The following ZDHHC7 variants were observed in gnomAD, a reference collection of about 807,000 sequenced individuals.
The protein encoded by ZDHHC7 is palmitoyltransferase ZDHHC7.
Under a neutral mutation model 34.1 loss-of-function variants are expected in ZDHHC7, and 12 were observed. The observed-to-expected ratio is 0.35, with a 90% CI of 0.23 to 0.57. ZDHHC7 has a LOEUF of 0.57. Ranked by LOEUF, ZDHHC7 falls within the 20% of genes least tolerant of loss-of-function variation. The pLI, the probability that ZDHHC7 is intolerant of heterozygous loss-of-function variation, is 0.84. For missense variants in ZDHHC7, 388 were observed against 402.7 expected (o/e 0.96, Z 0.31); for synonymous variants, 185 against 155.4 (o/e 1.19, Z -1.42).
intron 3 of ZDHHC7, among the ~76,000 whole-genome samples, chr16:84,985,188 T>C (rs2072420671): frequency 6.6e-6 from 1 of 152,226 alleles, no homozygotes; most frequent in Admixed American, 6.5e-5. Flanking sequence ...TGCTCCCTGA[T>C]TGGCTGTTCC....
the ZDHHC7 span, among the ~76,000 whole-genome samples, chr16:85,018,058 A>G: frequency 6.6e-6 from 1 of 152,116 alleles, no homozygotes; most frequent in Non-Finnish European, 1.5e-5. Flanking sequence ...TTGAGGTCCT[A>G]GGAGAAACCT....
chr16:84,977,083 A>C lies in ZDHHC7; in HGVS notation c.750+12T>G. The C allele has an allele frequency of 6.2e-7, 1 of 1,614,162 alleles. No homozygotes were observed. Among genetic ancestry groups the C allele is most frequent in the Non-Finnish European group, 8.5e-7 (1 of 1,180,008 alleles). The stretch of plus-strand genomic sequence containing the variant: ...CACATATGAAGTCCACACAGCCGAG[A>C]ACAAAGCTTACCGTCTCGTCGTTGC... On this transcript the variant is annotated intron_variant, in intron 7 of 7. Transcript: ENST00000313732.
intron 2 of ZDHHC7, among the ~76,000 whole-genome samples, chr16:84,995,667 G>C (rs2072567632): frequency 6.6e-6 from 1 of 152,054 alleles, no homozygotes; most frequent in Non-Finnish European, 1.5e-5. Flanking sequence ...TTCCATTTCA[G>C]GTGGAAAGCG....
At position 84,974,344 on chromosome 16, in the gene ZDHHC7, A is replaced by G. The variant is rs573251752; in HGVS notation, c.*1999T>C. On this transcript the variant is annotated 3_prime_UTR_variant, in exon 8 of 8. Transcript: ENST00000313732. ...TTGTCATGGGCACAAAAGCATTTAG[A>G]GTTTCTGGAAACTGTTTGGGAGTGA... 6.6e-6 allele frequency: 1 copy of G among 152,138 alleles called. No homozygotes were observed. Among genetic ancestry groups the G allele is most frequent in the Non-Finnish European group, 1.5e-5 (1 of 68,030 alleles). 9.4% of individuals were successfully genotyped at this position (152,138 alleles called of 1,614,324 possible). A position where few individuals can be genotyped will look rare whatever the true frequency, so the allele number is the denominator to read the frequency against.
chr16:84,986,199 A>G (rs2072434763), intron 3 of ZDHHC7, among the ~76,000 whole-genome samples: 1 of 152,202 alleles, frequency 6.6e-6, no homozygotes, highest in Admixed American at 6.5e-5. Context: ...GACAAGCTCA[A>G]GGTGGAGCGC....
intron 3 of ZDHHC7, among the ~76,000 whole-genome samples, chr16:84,984,840 G>T (rs1271562195): frequency 1.3e-5 from 2 of 152,090 alleles, no homozygotes; most frequent in African/African-American, 4.8e-5. Flanking sequence ...TTCGAGATGT[G>T]GTTTGGCAGA....
the ZDHHC7 span, among the ~76,000 whole-genome samples, chr16:85,020,681 C>T: frequency 2.0e-5 from 3 of 152,026 alleles, no homozygotes; most frequent in Non-Finnish European, 4.4e-5. Context: ...CAAGGGGAAG[C>T]GGTTCGAGAC....
the ZDHHC7 span, among the ~76,000 whole-genome samples, chr16:85,019,259 T>A: frequency 2.6e-5 from 4 of 152,356 alleles, no homozygotes; most frequent in African/African-American, 7.2e-5. Flanking sequence ...ATCCTTCACT[T>A]ACCCCGTTGA....
intron 3 of ZDHHC7, 100 bp downstream of exon 3, chr16:84,990,204 C>A: frequency 7.3e-7 from 1 of 1,363,452 alleles, no homozygotes. Flanking sequence ...ACACCCATGT[C>A]AATATGTCCC....
intron 1 of ZDHHC7, among the ~76,000 whole-genome samples, chr16:85,003,539 C>G (rs1275726605): frequency 6.6e-6 from 1 of 152,024 alleles, no homozygotes; most frequent in Admixed American, 6.5e-5. Context: ...GGAAATGATG[C>G]TCTAAGAAAC....
At chr16:84,996,842 G>A (rs921770229) in intron 1 of ZDHHC7, among the ~76,000 whole-genome samples, 1 of 152,006 alleles carries the variant, frequency 6.6e-6, no homozygotes, top group African/African-American at 2.4e-5. Context: ...GCCTGGCCAA[G>A]ATGGTGAAAC....
chr16:85,005,995 C>T (rs1194008791), intron 1 of ZDHHC7, among the ~76,000 whole-genome samples: 1 of 152,186 alleles, frequency 6.6e-6, no homozygotes, highest in African/African-American at 2.4e-5. Context: ...CTAGCCTGTA[C>T]CTCTGCAGAA....
intron 1 of ZDHHC7, among the ~76,000 whole-genome samples, chr16:84,996,643 T>G (rs965010198): frequency 6.6e-6 from 1 of 152,078 alleles, no homozygotes; most frequent in Admixed American, 6.6e-5. Context: ...AAGGTCAGAT[T>G]CACTGTCAGA....
upstream of ZDHHC7, among the ~76,000 whole-genome samples, chr16:85,016,209 A>G (rs1318029655): frequency 1.3e-5 from 2 of 152,110 alleles, no homozygotes; most frequent in African/African-American, 4.8e-5. Context: ...ATTTATACAG[A>G]TGAGGTCTCA....
At chr16:85,004,021 GA>G (rs2072685943) in intron 1 of ZDHHC7, among the ~76,000 whole-genome samples, 1 of 151,974 alleles carries the variant, frequency 6.6e-6, no homozygotes, top group Non-Finnish European at 1.5e-5. Context: ...TCAGTTTCAC[GA>G]AGTTTAAACA....
rs1248677205 is a variant in ZDHHC7 at position 84,977,478 on chromosome 16, T to C, written c.620-253A>G. ...TATTTTCTGAGGTTTCTATTGACAC[T>C]GTATTTATGAATTAAATGGCAAATG... On this transcript the variant is annotated intron_variant, in intron 6 of 7. Transcript: ENST00000313732. Among the ~76,000 whole-genome samples the C allele has an allele frequency of 3.9e-5, 6 of 152,260 alleles. No homozygotes were observed. The East Asian group carries it at 1.2e-3, about 29-fold the overall frequency.
chr16:84,979,758 C>A (rs2072341907), intron 4 of ZDHHC7, among the ~76,000 whole-genome samples: 1 of 152,042 alleles, frequency 6.6e-6, no homozygotes, highest in African/African-American at 2.4e-5. Context: ...CAACTACACA[C>A]CCAGGCATGA....
chr16:85,001,470 CA>C (rs71151261), intron 1 of ZDHHC7, among the ~76,000 whole-genome samples: 113 of 95,218 alleles, frequency 1.2e-3, no homozygotes, highest in Admixed American at 1.5e-3. Context: ...GACCCTGTCT[CA>C]AAAAAAAAAA....
At chr16:84,976,975 C>T in intron 7 of ZDHHC7, 120 bp downstream of exon 7, 2 of 1,441,416 alleles carry the variant, frequency 1.4e-6, no homozygotes, top group Non-Finnish European at 1.9e-6. Context: ...TGCAGCTCAT[C>T]AAGACCGTCC....
Sources: gnomAD v4.1 joint callset for allele counts (sites outside exome capture counted in the v4.1 genomes callset) on GRCh38, gnomAD v4.1.1 for gene constraint, MANE v1.5 for transcripts, NCBI Gene and HGNC (gene_info 2026-07-23, HGNC 2026-07-21) for gene names.